USP3: variants seen among roughly 807,000 people sequenced by gnomAD.
USP3 encodes the protein ubiquitin specific peptidase 3.
In USP3, 20 loss-of-function variants were observed where a neutral mutation model predicts 72.3. That is an observed-to-expected ratio of 0.28 (90% CI 0.19 to 0.40). The LOEUF is 0.40. Ranked by LOEUF, USP3 falls within the 10% of genes least tolerant of loss-of-function variation. The pLI is 1.00. For synonymous variants in USP3, 222 were observed against 225.3 expected, an observed-to-expected ratio of 0.99 and a Z score of 0.13; for missense variants, 479 against 633.9, an observed-to-expected ratio of 0.76 and a Z score of 2.62.
intron 11 of USP3, among the ~76,000 whole-genome samples, chr15:63,580,175 T>C (rs1595769449): frequency 6.6e-6 from 1 of 152,260 alleles, no homozygotes; most frequent in East Asian, 1.9e-4. Context: ...CATAGAAACA[T>C]AGCTACAAAA....
intron 7 of USP3, among the ~76,000 whole-genome samples, chr15:63,562,377 C>G (rs777081220): frequency 6.6e-6 from 1 of 152,126 alleles, no homozygotes; most frequent in Non-Finnish European, 1.5e-5. Context: ...CAGAAAATTC[C>G]TGCTGGAAAC....
intron 1 of USP3, among the ~76,000 whole-genome samples, chr15:63,525,690 G>T (rs16947227): frequency 4.6e-5 from 7 of 152,158 alleles, no homozygotes; most frequent in African/African-American, 1.7e-4. Flanking sequence ...AGTTCAGAGA[G>T]GATTTATAGT....
intron 3 of USP3, among the ~76,000 whole-genome samples, chr15:63,549,068 A>G (rs1037807282): frequency 6.6e-6 from 1 of 152,072 alleles, no homozygotes; most frequent in Middle Eastern, 3.2e-3. Context: ...TTTTGATTGT[A>G]CATTTTTTTA....
chr15:63,572,381 GT>G (rs1007454964), intron 9 of USP3, among the ~76,000 whole-genome samples: 29 of 141,636 alleles, frequency 2.0e-4, no homozygotes, highest in South Asian at 2.2e-4. Flanking sequence ...GCAGGGTTTT[GT>G]TTTTTTTTTT....
intron 1 of USP3, among the ~76,000 whole-genome samples, chr15:63,516,794 T>A (rs989418388): frequency 3.3e-5 from 5 of 151,850 alleles, no homozygotes; most frequent in South Asian, 2.1e-4. Context: ...GTTTTTTTTT[T>A]ATTTTATTTT....
At chr15:63,580,353 A>G (rs2066932485) in intron 11 of USP3, among the ~76,000 whole-genome samples, 1 of 152,074 alleles carries the variant, frequency 6.6e-6, no homozygotes, top group East Asian at 1.9e-4. Flanking sequence ...GGAACTATGA[A>G]TTATTTTTTT....
rs867495448 is a variant in USP3, at chr15:63,504,699, G to C, written c.-41G>C. ...AGTTCCTCCGCCCCCACCTCGCCGG[G>C]TCCTGGAGCCGCAGTCCTCCCAGCT... On this transcript the variant is annotated 5_prime_UTR_variant, in exon 1 of 15. Transcript: ENST00000380324. 2 of 1,538,792 alleles carry C rather than the reference G, an allele frequency of 1.3e-6. No homozygotes were observed. Among genetic ancestry groups the C allele is most frequent in the Middle Eastern group, 3.6e-4 (2 of 5,502 alleles).
At chr15:63,522,172 A>G (rs887776802) in intron 1 of USP3, among the ~76,000 whole-genome samples, 2 of 152,206 alleles carry the variant, frequency 1.3e-5, no homozygotes, top group Non-Finnish European at 2.9e-5. Flanking sequence ...CACTGTGCCC[A>G]GTCCTCTCAG....
At chr15:63,549,715 C>A (rs1389294734) in intron 3 of USP3, among the ~76,000 whole-genome samples, 3 of 152,176 alleles carry the variant, frequency 2.0e-5, no homozygotes, top group African/African-American at 7.2e-5. Context: ...CTTGGATCTT[C>A]AAATCTAGCT....
intron 1 of USP3, among the ~76,000 whole-genome samples, chr15:63,512,169 C>T (rs1377745506): frequency 6.6e-6 from 1 of 151,742 alleles, no homozygotes; most frequent in East Asian, 1.9e-4. Flanking sequence ...AATTCCTGAC[C>T]TCGTGATCCT....
chr15:63,590,662 G>T lies in USP3; in HGVS notation c.1399G>T (p.Val467Phe). Residue 467 changes from valine (V) to phenylalanine (F), a missense_variant and splice_region_variant, in exon 15 of 15, where the codon GTT becomes TTT. Val to Phe is a conservative substitution (Grantham distance 50). Transcript: ENST00000380324. ...TCCTTTGGTCTTTTGCCTTTACAGGGTTGGTTCTGGACATTACACAGCATA... is the reference window on the plus strand; with the variant it reads ...TCCTTTGGTCTTTTGCCTTTACAGGTTTGGTTCTGGACATTACACAGCATA... ...AAVVVHHGSGVGSGHYTAYAT... is the reference protein window; with the variant it reads ...AAVVVHHGSGFGSGHYTAYAT... The T allele has an allele frequency of 6.3e-7, 1 of 1,575,028 alleles. No individual in the cohort carries two copies. The highest frequency in any genetic ancestry group is 8.6e-7 in the Non-Finnish European group (1 of 1,160,762).
intron 11 of USP3, among the ~76,000 whole-genome samples, chr15:63,584,243 A>G (rs1185058342): frequency 3.0e-4 from 45 of 151,318 alleles, no homozygotes; most frequent in Admixed American, 2.8e-3. Flanking sequence ...GACTACAGGC[A>G]CCCGCCACCA....
intron 1 of USP3, among the ~76,000 whole-genome samples, chr15:63,527,680 T>C (rs1054896045): frequency 6.6e-6 from 1 of 152,224 alleles, no homozygotes; most frequent in Non-Finnish European, 1.5e-5. Context: ...CTCCTTTTCT[T>C]GTGAACACAA....
Position 63,544,481 on chromosome 15 carries a change from T to C in USP3, c.284+7325T>C, listed in dbSNP as rs2066291495. ...TTTTGACTTTAGTAGACTAGTGTTT[T>C]GTCTTTTAGAATTAGAGGGGGCAAG... is the stretch of plus-strand genomic sequence containing the variant. On this transcript the variant is annotated intron_variant, in intron 3 of 14. Transcript: ENST00000380324. The surrounding 1 kb of genome is among the most constrained non-coding windows in gnomAD (Gnocchi z 4.2). The C allele has an allele frequency of 1.1e-5, 6 of 536,572 alleles. No homozygotes were observed. The highest frequency in any genetic ancestry group is 1.9e-5 in the African/African-American group (1 of 52,374). 33.2% of individuals were successfully genotyped at this position (536,572 alleles called of 1,614,324 possible).
chr15:63,588,796 T>G lies in USP3; in HGVS notation c.1310T>G (p.Met437Arg). The G allele has an allele frequency of 6.2e-7, 1 of 1,614,002 alleles. No individual in the cohort carries two copies. The highest frequency in any genetic ancestry group is 8.5e-7 in the Non-Finnish European group (1 of 1,179,870). ...YVEFPLRGLDMKCYLLEPENS... is the reference protein window; with the variant it reads ...YVEFPLRGLDRKCYLLEPENS... ...GAATTTCCACTGAGAGGCCTAGACA[T>G]GAAATGCTACTTACTAGAGGTAAGG... Residue 437 changes from methionine (M) to arginine (R), a missense_variant, in exon 13 of 15, where the codon ATG becomes AGG. Transcript: ENST00000380324. This position sits in a 1 kb window ranked among gnomAD's most constrained non-coding sequence, Gnocchi z 4.6.
intron 3 of USP3, among the ~76,000 whole-genome samples, chr15:63,542,830 A>C (rs184005965): frequency 2.8e-4 from 42 of 152,274 alleles, no homozygotes; most frequent in Middle Eastern, 3.4e-3. Context: ...ATTATTAAGC[A>C]TTGTTTTGGT....
chr15:63,559,477 A>G (rs1367801751), intron 6 of USP3, among the ~76,000 whole-genome samples: 1 of 152,208 alleles, frequency 6.6e-6, no homozygotes, highest in Admixed American at 6.5e-5. Context: ...TGTATAGTGT[A>G]TCAAAATAAT....
intron 7 of USP3, among the ~76,000 whole-genome samples, chr15:63,560,249 C>T (rs2066584789): frequency 6.6e-6 from 1 of 151,938 alleles, no homozygotes; most frequent in African/African-American, 2.4e-5. Context: ...AACCCCATCT[C>T]TACTAAATAT....
At chr15:63,582,052 TAAAA>T (rs1343734450) in intron 11 of USP3, among the ~76,000 whole-genome samples, 5 of 152,226 alleles carry the variant, frequency 3.3e-5, no homozygotes, top group African/African-American at 1.2e-4. Context: ...CTCAAAAAAG[TAAAA>T]AGAGGAACAT....
Sources: allele counts gnomAD v4.1 joint callset (sites outside exome capture counted in the v4.1 genomes callset), GRCh38; gene constraint gnomAD v4.1.1; non-coding constraint Gnocchi (gnomAD v3.1); transcripts MANE v1.5; gene names NCBI Gene and HGNC (gene_info 2026-07-23, HGNC 2026-07-21).